The following RNF24 variants were observed in gnomAD, a reference collection of about 807,000 sequenced individuals.
RNF24 encodes ring finger protein 24.
A neutral mutation model predicts 20.0 loss-of-function variants in RNF24; 14 were observed. That is an observed-to-expected ratio of 0.70 (90% CI 0.46 to 1.10). RNF24 has a LOEUF of 1.10. RNF24 is among the 50% of genes least tolerant of loss of function. RNF24 has a pLI of 0.00. For synonymous variants in RNF24, 45 were observed against 61.1 expected (o/e 0.74, Z 1.23); for missense variants, 124 against 177.6 (o/e 0.70, Z 1.71).
chr20:3,976,666 T>C (rs1461272425), intron 1 of RNF24, among the ~76,000 whole-genome samples: 1 of 152,154 alleles, frequency 6.6e-6, no homozygotes, highest in African/African-American at 2.4e-5. Flanking sequence ...AAACTTGAGG[T>C]ATGCACATCG....
chr20:3,964,735 C>A (rs926620204), intron 1 of RNF24, among the ~76,000 whole-genome samples: 4 of 152,122 alleles, frequency 2.6e-5, no homozygotes, highest in African/African-American at 9.7e-5. Flanking sequence ...CTAGGCTGGT[C>A]TTGAACTCGT....
At chr20:3,969,773 GTT>G (rs34975215) in intron 1 of RNF24, among the ~76,000 whole-genome samples, 5 of 136,252 alleles carry the variant, frequency 3.7e-5, no homozygotes, top group Non-Finnish European at 4.7e-5. Flanking sequence ...GCTGAAATCT[GTT>G]TTTTTTTTTT....
intron 1 of RNF24, among the ~76,000 whole-genome samples, chr20:3,980,346 C>T (rs1018610110): frequency 2.0e-5 from 3 of 152,080 alleles, no homozygotes; most frequent in East Asian, 1.9e-4. Context: ...CGGATAGCAC[C>T]GAGTCCTACG....
intron 1 of RNF24, among the ~76,000 whole-genome samples, chr20:3,982,729 T>TA (rs1457773318): frequency 1.3e-5 from 2 of 151,602 alleles, no homozygotes; most frequent in Non-Finnish European, 2.9e-5. Context: ...TCTACAAAAT[T>TA]AAAAAAATCA....
intron 1 of RNF24, among the ~76,000 whole-genome samples, chr20:3,982,861 C>A (rs1979541053): frequency 6.6e-6 from 1 of 152,144 alleles, no homozygotes; most frequent in Admixed American, 6.5e-5. Flanking sequence ...TGTATTCCAT[C>A]CACCCTACAT....
chr20:3,953,563 C>A (rs2091106975), intron 2 of RNF24, among the ~76,000 whole-genome samples: 1 of 150,686 alleles, frequency 6.6e-6, no homozygotes, highest in Non-Finnish European at 1.5e-5. Flanking sequence ...CTCCCAGGTT[C>A]AAGCAAGTCC....
At chr20:4,000,318 G>A (rs1031963296) in intron 1 of RNF24, among the ~76,000 whole-genome samples, 2 of 152,186 alleles carry the variant, frequency 1.3e-5, no homozygotes, top group Admixed American at 1.3e-4. Flanking sequence ...GAGGTCAGGA[G>A]TTTGAAACCA....
intron 1 of RNF24, among the ~76,000 whole-genome samples, chr20:3,998,629 G>A (rs999411906): frequency 1.4e-5 from 2 of 142,092 alleles, no homozygotes; most frequent in African/African-American, 5.3e-5. Context: ...GGTGGCGTGT[G>A]CCTGTAATCC....
At chr20:3,945,283 T>G in intron 3 of RNF24, 65 bp from the exon 4 acceptor site, 1 of 1,428,456 alleles carries the variant, frequency 7.0e-7, no homozygotes, top group Non-Finnish European at 9.5e-7. Flanking sequence ...TTTCTCATTA[T>G]ATTCTCAAAT....
intron 2 of RNF24, among the ~76,000 whole-genome samples, chr20:3,961,776 C>T (rs1344036998): frequency 4.0e-5 from 6 of 149,336 alleles, no homozygotes; most frequent in African/African-American, 1.5e-4. Context: ...TTACATATTT[C>T]TAAGTTAAAT....
chr20:3,985,333 C>G (rs1280414952), intron 1 of RNF24, among the ~76,000 whole-genome samples: 1 of 152,202 alleles, frequency 6.6e-6, no homozygotes, highest in Non-Finnish European at 1.5e-5. Context: ...CAGCAATCCT[C>G]CTGCTTCAGC....
intron 1 of RNF24, among the ~76,000 whole-genome samples, chr20:3,964,799 T>A (rs1053950899): frequency 6.6e-6 from 1 of 152,180 alleles, no homozygotes; most frequent in Non-Finnish European, 1.5e-5. Flanking sequence ...ATTATAGGCA[T>A]GAGCCACTGT....
At chr20:3,988,159 C>CA (rs1394688608) in intron 1 of RNF24, among the ~76,000 whole-genome samples, 2 of 151,690 alleles carry the variant, frequency 1.3e-5, no homozygotes, top group Non-Finnish European at 2.9e-5. Flanking sequence ...TCCGTCTCTA[C>CA]AAAAAAATTT....
intron 1 of RNF24, among the ~76,000 whole-genome samples, chr20:3,985,758 G>A (rs937923542): frequency 1.4e-5 from 2 of 147,976 alleles, no homozygotes; most frequent in Admixed American, 6.8e-5. Flanking sequence ...AGGCTGGAGT[G>A]CAATGGCACG....
At chr20:4,002,409 AC>A (rs1417756553) in intron 1 of RNF24, among the ~76,000 whole-genome samples, 20 of 151,918 alleles carry the variant, frequency 1.3e-4, no homozygotes, top group African/African-American at 4.1e-4. Flanking sequence ...AAACAAAAAA[AC>A]AAAACAAAAC....
At chr20:3,942,110 A>G (rs150166281) in intron 4 of RNF24, among the ~76,000 whole-genome samples, 29 of 151,950 alleles carry the variant, frequency 1.9e-4, no homozygotes, top group African/African-American at 6.5e-4. Context: ...AAAAGGTGGA[A>G]ATACACATAC....
intron 1 of RNF24, among the ~76,000 whole-genome samples, chr20:4,013,321 C>T (rs1050626938): frequency 8.5e-5 from 13 of 152,156 alleles, no homozygotes; most frequent in Non-Finnish European, 1.5e-4. Flanking sequence ...GTTTACATTT[C>T]ATTTTCCACT....
chr20:4,003,632 C>A (rs868594190), intron 1 of RNF24, among the ~76,000 whole-genome samples: 105 of 78,068 alleles, frequency 1.3e-3, no homozygotes, highest in African/African-American at 4.2e-3. Flanking sequence ...GTTAGAAACT[C>A]CTTTTTTTTT....
intron 1 of RNF24, among the ~76,000 whole-genome samples, chr20:3,976,333 A>C (rs1208145902): frequency 6.6e-6 from 1 of 152,246 alleles, no homozygotes; most frequent in Non-Finnish European, 1.5e-5. Context: ...AAATTACTAA[A>C]TTAAACCTAT....
Sources: allele counts gnomAD v4.1 joint callset (sites outside exome capture counted in the v4.1 genomes callset), GRCh38; gene constraint gnomAD v4.1.1; transcripts MANE v1.5; gene names NCBI Gene and HGNC (gene_info 2026-07-23, HGNC 2026-07-21).